The following TLN2 variants were observed in gnomAD, a reference collection of about 807,000 sequenced individuals.
The protein encoded by TLN2 is talin-2.
A neutral mutation model predicts 294.7 loss-of-function variants in TLN2; 118 were observed. The ratio of observed to expected loss-of-function variants is 0.40; its 90% confidence interval spans 0.34 to 0.47. The LOEUF is 0.47. Ranked by LOEUF, TLN2 falls within the 20% of genes least tolerant of loss-of-function variation. TLN2 has a pLI of 0.84. For missense variants in TLN2, 3,083 were observed against 3,282.2 expected (o/e 0.94, Z 1.48); for synonymous variants, 1,431 against 1,304.5 (o/e 1.10, Z -2.09).
At chr15:62,568,035 C>G (rs1167669410) in intron 1 of TLN2, among the ~76,000 whole-genome samples, 1 of 152,194 alleles carries the variant, frequency 6.6e-6, no homozygotes, top group African/African-American at 2.4e-5. Flanking sequence ...GAGTTGAGTT[C>G]TCTGAGCCCA....
rs150988681 is a variant in TLN2, at chr15:62,792,727, C to T, written c.5823C>T (p.Cys1941=). Residue 1941 remains cysteine, a synonymous_variant, in exon 46 of 59, where the codon TGC becomes TGT. Transcript: ENST00000636159. ...AGAAGGCAGGGGCCCTCCAGGTCTG[C>T]CCCACAGACAGCTACACCAAGAGGG... ...LVQKAGALQV[C]PTDSYTKREL... is the part of the protein sequence containing the mutation. The T allele has an allele frequency of 2.7e-5, 44 of 1,614,022 alleles. No individual in the cohort carries two copies. The highest frequency in any genetic ancestry group is 3.6e-5 in the Non-Finnish European group (43 of 1,180,032).
rs2053239498 is a variant in TLN2 at position 62,656,610 on chromosome 15, T to C, written c.660+524T>C. On this transcript the variant is annotated intron_variant, in intron 8 of 58. Transcript: ENST00000636159. Reference sequence around the variant, plus strand: ...ACTAGATTGTCCCCAAGGTTTCTTGTGGCTCAAGGAAAACATCATCCATCT... The same window carrying C: ...ACTAGATTGTCCCCAAGGTTTCTTGCGGCTCAAGGAAAACATCATCCATCT... 2.0e-5 allele frequency among the ~76,000 whole-genome samples: 3 copies of C among 152,346 alleles called. 1 individual carries two copies. The South Asian group carries it at 6.2e-4, about 32-fold the overall frequency.
intron 45 of TLN2, among the ~76,000 whole-genome samples, chr15:62,785,014 G>T (rs975891457): frequency 8.5e-5 from 13 of 152,156 alleles, no homozygotes; most frequent in African/African-American, 3.1e-4. Context: ...TGGTAACAAT[G>T]CATGTAAATA....
chr15:62,641,071 G>T (rs545887722), intron 3 of TLN2, among the ~76,000 whole-genome samples: 4 of 151,810 alleles, frequency 2.6e-5, no homozygotes, highest in African/African-American at 7.3e-5. Flanking sequence ...CAAAGTACTA[G>T]GATTACAGGC....
chr15:62,565,910 C>CTGTGTGTGTGTGTG (rs71718001), intron 1 of TLN2, among the ~76,000 whole-genome samples: 2 of 148,388 alleles, frequency 1.3e-5, no homozygotes, highest in Admixed American at 6.7e-5. Context: ...TGTTTACTAG[C>CTGTGTGTGTGTGTG]TGTGTGTGTG....
chr15:62,703,984 C>CT (rs1240830939), intron 19 of TLN2, among the ~76,000 whole-genome samples: 1 of 152,188 alleles, frequency 6.6e-6, no homozygotes, highest in Non-Finnish European at 1.5e-5. Context: ...TCCTAAGTCT[C>CT]TAATTTTGCA....
intron 21 of TLN2, among the ~76,000 whole-genome samples, chr15:62,709,452 G>T (rs561660587): frequency 1.3e-5 from 2 of 152,288 alleles, no homozygotes; most frequent in East Asian, 3.9e-4. Context: ...ATAGCTCTGG[G>T]TTGGTTAGTT....
At chr15:62,454,401 AC>A (rs891053478) in intron 1 of TLN2, among the ~76,000 whole-genome samples, 33 of 151,948 alleles carry the variant, frequency 2.2e-4, no homozygotes, top group Middle Eastern at 3.4e-3. Flanking sequence ...TTGCTTCCAG[AC>A]CCATTGGAGG....
intron 11 of TLN2, among the ~76,000 whole-genome samples, chr15:62,682,528 G>A (rs2056927873): frequency 1.3e-5 from 2 of 152,140 alleles, no homozygotes; most frequent in South Asian, 2.1e-4. Flanking sequence ...CCACTTAGTA[G>A]TTTGATCTTG....
intron 1 of TLN2, among the ~76,000 whole-genome samples, chr15:62,562,966 A>T (rs922363400): frequency 1.5e-5 from 2 of 131,118 alleles, no homozygotes; most frequent in African/African-American, 5.8e-5. Flanking sequence ...ACACACACAC[A>T]CACACCAGTT....
intron 29 of TLN2, 38 bp downstream of exon 29, chr15:62,737,124 A>T: frequency 6.2e-7 from 1 of 1,607,494 alleles, no homozygotes. Flanking sequence ...TGTCATGGTC[A>T]TCATTAACGT....
intron 16 of TLN2, 54 bp downstream of exon 16, chr15:62,698,921 G>T (rs975102030): frequency 1.3e-6 from 2 of 1,507,544 alleles, no homozygotes; most frequent in African/African-American, 1.4e-5. Flanking sequence ...CAGAAAGCAG[G>T]GTTATATACT....
At chr15:62,435,091 A>C (rs960528830) in intron 1 of TLN2, among the ~76,000 whole-genome samples, 2 of 149,906 alleles carry the variant, frequency 1.3e-5, no homozygotes, top group Non-Finnish European at 3.0e-5. Flanking sequence ...CAAAGGACCA[A>C]GATCTTGTTC....
intron 42 of TLN2, among the ~76,000 whole-genome samples, chr15:62,774,746 C>G (rs1305771889): frequency 6.6e-6 from 1 of 152,082 alleles, no homozygotes; most frequent in Admixed American, 6.6e-5. Flanking sequence ...CAAGGATATG[C>G]TTTTATAGAT....
chr15:62,714,570 G>A (rs1474064304), intron 22 of TLN2, among the ~76,000 whole-genome samples: 4 of 152,006 alleles, frequency 2.6e-5, no homozygotes, highest in African/African-American at 7.2e-5. Flanking sequence ...CCAGAAACTC[G>A]TTTCTTCTAA....
intron 1 of TLN2, among the ~76,000 whole-genome samples, chr15:62,512,046 C>T (rs1005310277): frequency 6.6e-6 from 1 of 152,188 alleles, no homozygotes; most frequent in African/African-American, 2.4e-5. Context: ...ACTCCTCTTC[C>T]AGCACTTACT....
chr15:62,546,177 A>G (rs950234528), intron 1 of TLN2, among the ~76,000 whole-genome samples: 5 of 152,036 alleles, frequency 3.3e-5, no homozygotes, highest in Middle Eastern at 3.2e-3. Context: ...TGTCTTCACT[A>G]CCTCTGACGG....
chr15:62,652,768 G>A (rs539583673), intron 6 of TLN2, among the ~76,000 whole-genome samples: 1 of 152,032 alleles, frequency 6.6e-6, no homozygotes, highest in Non-Finnish European at 1.5e-5. Flanking sequence ...CTTTGGGTAC[G>A]ATTTCACTAC....
At chr15:62,447,831 GC>G (rs2035904527) in intron 1 of TLN2, among the ~76,000 whole-genome samples, 2 of 152,234 alleles carry the variant, frequency 1.3e-5, no homozygotes, top group African/African-American at 2.4e-5. Flanking sequence ...AGGGTGCTCG[GC>G]CCCGCCCCAC....
Sources: allele counts gnomAD v4.1 joint callset (sites outside exome capture counted in the v4.1 genomes callset), GRCh38; gene constraint gnomAD v4.1.1; transcripts MANE v1.5; gene names NCBI Gene and HGNC (gene_info 2026-07-23, HGNC 2026-07-21).